Variants in MYCBP2 observed in about 807,000 individuals in gnomAD.
The protein encoded by MYCBP2 is MYC binding protein 2, also known as E3 ubiquitin-protein ligase MYCBP2.
A neutral mutation model predicts 525.3 loss-of-function variants in MYCBP2; 120 were observed. The ratio of observed to expected loss-of-function variants is 0.23; its 90% confidence interval spans 0.20 to 0.27. The LOEUF (loss-of-function observed/expected upper bound fraction) is 0.27, where lower values mean the gene tolerates loss of function less well. Ranked by LOEUF, MYCBP2 falls within the 10% of genes least tolerant of loss-of-function variation. MYCBP2 has a pLI of 1.00. For synonymous variants in MYCBP2, 1,894 were observed against 1,955.8 expected (o/e 0.97, Z 0.83); for missense variants, 4,149 against 5,657.1 (o/e 0.73, Z 8.55).
At chr13:77,323,407 C>T (rs979912218) in intron 1 of MYCBP2, among the ~76,000 whole-genome samples, 5 of 152,134 alleles carry the variant, frequency 3.3e-5, no homozygotes, top group African/African-American at 1.2e-4. Flanking sequence ...TGAACACAAG[C>T]CTGTTCCCAT....
chr13:77,106,656 G>A (rs949464660), intron 55 of MYCBP2, among the ~76,000 whole-genome samples: 1 of 152,056 alleles, frequency 6.6e-6, no homozygotes, highest in Non-Finnish European at 1.5e-5. Flanking sequence ...GGAGGTAGTG[G>A]AGCCGTCAGA....
chr13:77,222,071 CTA>C (rs985829155), intron 20 of MYCBP2, among the ~76,000 whole-genome samples: 4 of 152,136 alleles, frequency 2.6e-5, no homozygotes, highest in African/African-American at 9.7e-5. Flanking sequence ...GTAGGCCTAA[CTA>C]TGTTTTCTGT....
At chr13:77,095,247 A>C in intron 58 of MYCBP2, 111 bp downstream of exon 58, 2 of 1,295,818 alleles carry the variant, frequency 1.5e-6, no homozygotes. Context: ...GTTTGTTTAT[A>C]GTACACAATA....
chr13:77,129,273 G>T, intron 52 of MYCBP2: 1 of 396,814 alleles, frequency 2.5e-6, no homozygotes, highest in South Asian at 1.3e-4. Context: ...AACAAAGAAA[G>T]GGAACAGGAT....
In MYCBP2 at chr13:77,090,392, ATC is replaced by A. The variant is rs2045191611; in HGVS notation, c.10368-131_10368-130del. On this transcript the variant is annotated intron_variant, in intron 59 of 82. Transcript: ENST00000544440. ...AAACAAAATCAAAGCCAAATTGATA[ATC>A]TCTCTTTAAATCATAATTTGATCTT... The A allele has an allele frequency of 1.3e-5, 8 of 622,008 alleles. No homozygotes were observed. The East Asian group carries it at 2.5e-4, about 19-fold the overall frequency. The allele number at this position is 622,008 out of a possible 1,614,324, so 38.5% of individuals were successfully genotyped here.
chr13:77,107,533 T>C (rs1205194785), intron 55 of MYCBP2, among the ~76,000 whole-genome samples: 1 of 151,944 alleles, frequency 6.6e-6, no homozygotes, highest in African/African-American at 2.4e-5. Context: ...GCCCAGGAGT[T>C]TGAGACCAGC....
Position 77,098,322 on chromosome 13 carries a change from A to G in MYCBP2, c.8832T>C (p.Asn2944=). Residue 2944 remains asparagine (N), a synonymous_variant, in exon 56 of 83, where the codon AAT becomes AAC. Coordinates refer to ENST00000544440, the MANE Select transcript of MYCBP2 (RefSeq NM_015057.5). ...EVCTSSTLKT[N]SLTDSTCDDS... is the part of the protein sequence containing the mutation. ...CATCGCAGGTGCTGTCTGTTAGACT[A>G]TTTGTTTTTAAAGTACTTGAGGTGC... The G allele has an allele frequency of 3.1e-6, 5 of 1,611,544 alleles. No homozygotes were observed. Among genetic ancestry groups the G allele is most frequent in the Non-Finnish European group, 4.2e-6 (5 of 1,179,676 alleles).
chr13:77,296,532 C>T (rs2078208243), intron 2 of MYCBP2, 67 bp downstream of exon 2: 14 of 1,480,686 alleles, frequency 9.5e-6, no homozygotes. Context: ...ATTTTTTAAT[C>T]TTGGCATTTT....
At chr13:77,213,661 A>G (rs2154284520) in intron 21 of MYCBP2, among the ~76,000 whole-genome samples, 1 of 152,362 alleles carries the variant, frequency 6.6e-6, no homozygotes, top group South Asian at 2.1e-4. Flanking sequence ...GGACAACCCC[A>G]TAAGGACCAG....
intron 55 of MYCBP2, among the ~76,000 whole-genome samples, chr13:77,104,151 G>A (rs972212078): frequency 6.6e-6 from 1 of 151,830 alleles, no homozygotes; most frequent in Non-Finnish European, 1.5e-5. Context: ...AAAATTAATC[G>A]GTTGTGCTGA....
rs757675302 is a variant in MYCBP2, at chr13:77,068,685, G to C, written c.12051C>G (p.Leu4017=). 1.4e-5 allele frequency: 23 copies of C among 1,614,054 alleles called. No homozygotes were observed. Among genetic ancestry groups the C allele is most frequent in the East Asian group, 2.2e-5 (1 of 44,888 alleles). Residue 4017 remains leucine (L), a synonymous_variant, in exon 70 of 83, where the codon CTC becomes CTG. Transcript: ENST00000544440. The part of the protein sequence containing the change: ...ASSDAYCFEL[L]SMVLALSGSN... ...AGCCACTCAGTGCTAAAACCATAGA[G>C]AGCAGCTCAAAGCAGTAGGCATCAG... is the stretch of plus-strand genomic sequence containing the variant.
chr13:77,177,491 GT>G, intron 35 of MYCBP2, among the ~76,000 whole-genome samples: 1 of 151,640 alleles, frequency 6.6e-6, no homozygotes. Context: ...ACAGGCGTGC[GT>G]TGTATTTTTC....
At chr13:77,242,592 TG>T (rs796662614) in intron 17 of MYCBP2, among the ~76,000 whole-genome samples, 108 of 152,324 alleles carry the variant, frequency 7.1e-4, no homozygotes, top group African/African-American at 2.3e-3. Context: ...TGTGCTGAAC[TG>T]GAGGGCAGCA....
intron 2 of MYCBP2, among the ~76,000 whole-genome samples, chr13:77,290,231 G>A (rs2077328071): frequency 6.6e-6 from 1 of 152,158 alleles, no homozygotes; most frequent in Non-Finnish European, 1.5e-5. Context: ...AAATGCTGGT[G>A]GGGATGAGGA....
intron 1 of MYCBP2, among the ~76,000 whole-genome samples, chr13:77,300,751 G>A (rs1408548004): frequency 1.3e-5 from 2 of 152,178 alleles, no homozygotes; most frequent in East Asian, 3.8e-4. Context: ...CTTCCCTAAA[G>A]TAAGTGATTA....
intron 43 of MYCBP2, among the ~76,000 whole-genome samples, chr13:77,163,498 G>T (rs897745707): frequency 6.6e-6 from 1 of 152,162 alleles, no homozygotes. Flanking sequence ...TTTTGGGGGG[G>T]TAAGAAAATA....
intron 17 of MYCBP2, among the ~76,000 whole-genome samples, chr13:77,238,686 T>A (rs17067338): frequency 0.044 from 6,768 of 152,248 alleles, 515 homozygotes; most frequent in African/African-American, 0.15. Context: ...AGATTTAAAA[T>A]TAAAAAGTTC....
At chr13:77,314,827 T>C (rs1336061059) in intron 1 of MYCBP2, among the ~76,000 whole-genome samples, 1 of 152,126 alleles carries the variant, frequency 6.6e-6, no homozygotes, top group Non-Finnish European at 1.5e-5. Flanking sequence ...TGGTGGGGGA[T>C]GTTGATATGG....
At chr13:77,171,781 G>T in intron 37 of MYCBP2, 147 bp from the exon 38 acceptor site, 1 of 690,184 alleles carries the variant, frequency 1.4e-6, no homozygotes, top group Non-Finnish European at 2.4e-6. Context: ...ACAATAATAG[G>T]GAATGATAAG....
Sources: gnomAD v4.1 joint callset for allele counts (sites outside exome capture counted in the v4.1 genomes callset) on GRCh38, gnomAD v4.1.1 for gene constraint, MANE v1.5 for transcripts, NCBI Gene and HGNC (gene_info 2026-07-23, HGNC 2026-07-21) for gene names.